MOCS2: variants seen among roughly 807,000 people sequenced by gnomAD.
MOCS2 encodes the protein molybdopterin synthase catalytic subunit.
In MOCS2, 13 loss-of-function variants were observed where a neutral mutation model predicts 21.9. That is an observed-to-expected ratio of 0.59 (90% confidence interval 0.39 to 0.94). MOCS2 has a LOEUF of 0.94. Ranked by LOEUF, MOCS2 falls within the 40% of genes least tolerant of loss-of-function variation. MOCS2 has a pLI of 0.00. For synonymous variants in MOCS2, 92 were observed against 80.8 expected (o/e 1.14, Z -0.74); for missense variants, 227 against 218.3 (o/e 1.04, Z -0.25).
chr5:53,106,612 C>T (rs1457758018), intron 3 of MOCS2, among the ~76,000 whole-genome samples: 1 of 152,164 alleles, frequency 6.6e-6, no homozygotes, highest in African/African-American at 2.4e-5. Context: ...GACTTAATAC[C>T]TGGGTGACAA....
At chr5:53,103,806 A>G (rs1423688833) in intron 3 of MOCS2, among the ~76,000 whole-genome samples, 4 of 152,236 alleles carry the variant, frequency 2.6e-5, no homozygotes, top group Admixed American at 6.5e-5. Context: ...AAGAGCCTCT[A>G]TGAAAAGTTG....
At chr5:53,105,822 C>G (rs1443688862) in intron 3 of MOCS2, among the ~76,000 whole-genome samples, 1 of 152,138 alleles carries the variant, frequency 6.6e-6, no homozygotes, top group Non-Finnish European at 1.5e-5. Flanking sequence ...ATTTTGCAAA[C>G]TATGCATCTG....
intron 5 of MOCS2, chr5:53,100,881 C>G (rs1740890453): frequency 3.2e-6 from 1 of 316,556 alleles, no homozygotes; most frequent in Non-Finnish European, 5.9e-6. Flanking sequence ...GAGTATAATA[C>G]AAAATTTAAA....
At chr5:53,099,462 T>C (rs1408475173) in intron 6 of MOCS2, among the ~76,000 whole-genome samples, 2 of 152,192 alleles carry the variant, frequency 1.3e-5, no homozygotes, top group South Asian at 4.1e-4. Context: ...CTGCCTCCTG[T>C]TGTGTCAGCC....
Position 53,101,396 on chromosome 5 carries a change from A to G in MOCS2, c.340T>C (p.Trp114Arg). The change falls in exon 5 of 7, where the codon TGG (tryptophan) becomes CGG (arginine). Residue 114 changes from tryptophan (W) to arginine (R), a missense_variant. By Grantham distance (101) the Trp-to-Arg change is moderately radical. Transcript: ENST00000396954. ...AACACTGCTATGTGTTTGACTGGCC[A>G]TTTCTGCCTAATGTCACTACAAATC... is the stretch of plus-strand genomic sequence containing the variant. Reference protein sequence around the residue: ...RKICSDIRQKWPVKHIAVFHR... With the variant: ...RKICSDIRQKRPVKHIAVFHR... The G allele has an allele frequency of 6.2e-7, 1 of 1,613,942 alleles. No individual in the cohort carries two copies. The highest frequency in any genetic ancestry group is 8.5e-7 in the Non-Finnish European group (1 of 1,179,948).
chr5:53,101,220 C>T (rs1453816811), intron 5 of MOCS2, 139 bp downstream of exon 5: 11 of 923,900 alleles, frequency 1.2e-5, no homozygotes, highest in Admixed American at 2.0e-5. Flanking sequence ...AACAGCCATC[C>T]CTATTGTCCT....
chr5:53,109,729 T>A lies in MOCS2; in HGVS notation c.-648A>T. 6.4e-7 allele frequency: 1 copy of A among 1,550,990 alleles called. No individual in the cohort carries two copies. The highest frequency in any genetic ancestry group is 8.7e-7 in the Non-Finnish European group (1 of 1,147,396). On this transcript the variant is annotated 5_prime_UTR_variant, in exon 1 of 7. The change abolishes an upstream ATG in the 5' untranslated region. Transcript: ENST00000396954. ...ACCCTTACCTGGCACAGCGGCACCA[T>A]CCCGCCTAGGACAGCGGGACCGAAT...
At chr5:53,109,158 T>C (rs544436914) in intron 1 of MOCS2, 93 bp downstream of exon 1, 1 of 342,240 alleles carries the variant, frequency 2.9e-6, no homozygotes, top group South Asian at 1.1e-4. Flanking sequence ...CAGAAGCAAG[T>C]AGGTTTGAAA....
At position 53,108,700 on chromosome 5, in the gene MOCS2, T is replaced by C. The variant is rs1327269756; in HGVS notation, c.-169-57A>G. On this transcript the variant is annotated intron_variant, in intron 1 of 6. Transcript: ENST00000396954. ...CTCATACTCGTTTTCTGACTGTCAA[T>C]GTTGAGCAGTTTTCTCATTTTCCAA... The C allele has an allele frequency of 5.1e-6, 8 of 1,555,138 alleles. No individual in the cohort carries two copies. The East Asian group carries it at 1.4e-4, about 27-fold the overall frequency.
At chr5:53,102,653 T>C (rs1414710213) in intron 3 of MOCS2, among the ~76,000 whole-genome samples, 1 of 137,206 alleles carries the variant, frequency 7.3e-6, no homozygotes, top group Non-Finnish European at 1.6e-5. Context: ...GCAGCCCTCA[T>C]AATAAGTGGC....
Position 53,101,408 on chromosome 5 carries a change from T to C in MOCS2, c.328A>G (p.Ile110Val). 6.2e-7 allele frequency: 1 copy of C among 1,614,036 alleles called. No individual in the cohort carries two copies. Among genetic ancestry groups the C allele is most frequent in the Non-Finnish European group, 8.5e-7 (1 of 1,179,952 alleles). ...ENEVRKICSD[I>V]RQKWPVKHIA... ...TGTTTGACTGGCCATTTCTGCCTAA[T>C]GTCACTACAAATCTTTCTGACTTCA... The change falls in exon 5 of 7, where the codon ATT (isoleucine) becomes GTT (valine). Residue 110 changes from isoleucine to valine, a missense_variant. Physicochemically the swap from Ile to Val is conservative, Grantham distance 29. Coordinates refer to ENST00000396954, the MANE Select transcript of MOCS2 (RefSeq NM_004531.5).
intron 6 of MOCS2, among the ~76,000 whole-genome samples, chr5:53,099,238 CAA>C (rs1370394790): frequency 6.6e-6 from 1 of 152,174 alleles, no homozygotes; most frequent in Non-Finnish European, 1.5e-5. Flanking sequence ...TATGGACAAA[CAA>C]AAGCAAAATA....
rs186308720 is a variant in MOCS2 at position 53,100,660 on chromosome 5, C to T, written c.378-126G>A. On this transcript the variant is annotated intron_variant, in intron 5 of 6. Coordinates refer to ENST00000396954, the MANE Select transcript of MOCS2 (RefSeq NM_004531.5). Reference sequence around the variant, plus strand: ...AGAATTATACTGTAGTTCTATTTTACGTAAACATACAGTTAGAAAAGAGTA... The same window carrying T: ...AGAATTATACTGTAGTTCTATTTTATGTAAACATACAGTTAGAAAAGAGTA... 137 of 979,966 alleles carry T rather than the reference C, an allele frequency of 1.4e-4. 1 individual carries two copies. Among genetic ancestry groups the T allele is most frequent in the African/African-American group, 1.1e-3 (67 of 61,058 alleles). The allele number at this position is 979,966 out of a possible 1,614,324, so 60.7% of individuals were successfully genotyped here.
At chr5:53,098,854 ATT>A in intron 6 of MOCS2, 187 bp from the exon 7 acceptor site, 1 of 593,092 alleles carries the variant, frequency 1.7e-6, no homozygotes, top group Non-Finnish European at 3.0e-6. Flanking sequence ...AGTTTTAAAC[ATT>A]TTTTTTTCTT....
intron 3 of MOCS2, 126 bp from the exon 4 acceptor site, chr5:53,102,350 C>G (rs1004099457): frequency 4.3e-6 from 4 of 929,086 alleles, no homozygotes; most frequent in Non-Finnish European, 6.5e-6. Context: ...GGCTGTGGCA[C>G]AAAATATAGT....
chr5:53,099,375 G>A (rs1740843133), intron 6 of MOCS2, among the ~76,000 whole-genome samples: 1 of 152,118 alleles, frequency 6.6e-6, no homozygotes, highest in Non-Finnish European at 1.5e-5. Context: ...TTCCTCCCTG[G>A]TGAAGAAAGC....
At chr5:53,101,536 A>G in intron 4 of MOCS2, 27 bp from the exon 5 acceptor site, 2 of 1,507,330 alleles carry the variant, frequency 1.3e-6, no homozygotes, top group Non-Finnish European at 1.8e-6. Flanking sequence ...AAAGAAAAAG[A>G]AAACAATTAA....
Position 53,097,760 on chromosome 5 carries a change from C to A in MOCS2, c.*842G>T, listed in dbSNP as rs1306891250. Reference sequence around the variant, plus strand: ...ATACATACAATTTTTGTCAAGTATACCTAAATAAAGCTGGAAAAAAAAATT... The same window carrying A: ...ATACATACAATTTTTGTCAAGTATAACTAAATAAAGCTGGAAAAAAAAATT... On this transcript the variant is annotated 3_prime_UTR_variant, in exon 7 of 7. Transcript: ENST00000396954. 1 of 151,904 alleles carries A rather than the reference C, an allele frequency of 6.6e-6. No individual in the cohort carries two copies. The highest frequency in any genetic ancestry group is 1.9e-4 in the East Asian group (1 of 5,180). The allele number at this position is 151,904 out of a possible 1,614,324, so 9.4% of individuals were successfully genotyped here. A position where few individuals can be genotyped will look rare whatever the true frequency, so the allele number is the denominator to read the frequency against.
chr5:53,109,263 G>A lies in MOCS2; in HGVS notation c.-182C>T, dbSNP rs1462019243. On this transcript the variant is annotated 5_prime_UTR_variant, in exon 1 of 7. Transcript: ENST00000396954. The stretch of plus-strand genomic sequence containing the variant: ...GTAAAATAGGCACCTGTCACTCCGT[G>A]CAAACAACTCTTTACGAAATAATTA... 1.0e-6 allele frequency: 1 copy of A among 998,708 alleles called. No homozygotes were observed. The highest frequency in any genetic ancestry group is 1.2e-6 in the Non-Finnish European group (1 of 839,120). The allele number at this position is 998,708 out of a possible 1,614,324, so 61.9% of individuals were successfully genotyped here. A position where few individuals can be genotyped will look rare whatever the true frequency, so the allele number is the denominator to read the frequency against.
Sources: allele counts gnomAD v4.1 joint callset (sites outside exome capture counted in the v4.1 genomes callset), GRCh38; gene constraint gnomAD v4.1.1; transcripts MANE v1.5; gene names NCBI Gene and HGNC (gene_info 2026-07-23, HGNC 2026-07-21).